SPOCK1: variants seen among roughly 807,000 people sequenced by gnomAD.
SPOCK1 encodes the protein testican-1.
In SPOCK1, 23 loss-of-function variants were observed where a neutral mutation model predicts 55.3. That is an observed-to-expected ratio of 0.42 (90% CI 0.30 to 0.59). The LOEUF is 0.59. Among genes scored for constraint, SPOCK1 ranks in the 20% least tolerant of loss-of-function variants. The pLI is 0.22. For synonymous variants in SPOCK1, 226 were observed against 221.0 expected (o/e 1.02, Z -0.20); for missense variants, 499 against 552.5 (o/e 0.90, Z 0.97).
rs897719469 is a variant in SPOCK1 at position 137,440,460 on chromosome 5, A to G, written c.186+57913T>C. On this transcript the variant is annotated intron_variant, in intron 2 of 10. Coordinates refer to ENST00000394945, the MANE Select transcript of SPOCK1 (RefSeq NM_004598.4). ...ATTAAAGAGCAAAGCCAAGAGCTACAGGAATGATTACACAACAAACTCTCA... is the reference window on the plus strand; with the variant it reads ...ATTAAAGAGCAAAGCCAAGAGCTACGGGAATGATTACACAACAAACTCTCA... Among the ~76,000 whole-genome samples, 3 of 152,236 alleles carry G rather than the reference A, an allele frequency of 2.0e-5. No individual in the cohort carries two copies. The South Asian group carries it at 6.2e-4, about 32-fold the overall frequency.
intron 2 of SPOCK1, among the ~76,000 whole-genome samples, chr5:137,309,662 G>A (rs747737437): frequency 2.0e-5 from 3 of 152,100 alleles, no homozygotes; most frequent in African/African-American, 4.8e-5. Context: ...ACTCAAAAAT[G>A]AGCCCAAATC....
At chr5:137,318,470 G>C (rs1757922303) in intron 2 of SPOCK1, among the ~76,000 whole-genome samples, 1 of 152,190 alleles carries the variant, frequency 6.6e-6, no homozygotes, top group Admixed American at 6.5e-5. Flanking sequence ...TGAGGGGTTT[G>C]TCTGTCTTCT....
chr5:137,180,024 A>G (rs1043280428), intron 3 of SPOCK1, among the ~76,000 whole-genome samples: 8 of 152,154 alleles, frequency 5.3e-5, no homozygotes, highest in Non-Finnish European at 1.0e-4. Context: ...TAGCATCTCA[A>G]CCTTATAGTG....
Position 137,024,006 on chromosome 5 carries a change from T to A in SPOCK1, c.590-31406A>T, listed in dbSNP as rs147163769. On this transcript the variant is annotated intron_variant, in intron 6 of 10. Transcript: ENST00000394945. ...TAACTTTAACACTTGCATCCTTTGC[T>A]ATTTCAGGAAGTCTGCAGAAGATCT... Among the ~76,000 whole-genome samples the A allele has an allele frequency of 2.9e-3, 444 of 151,330 alleles. 2 individuals carry two copies. Among genetic ancestry groups the A allele is most frequent in the African/African-American group, 0.01 (427 of 41,140 alleles).
chr5:137,285,883 T>A (rs1481686225), intron 2 of SPOCK1, among the ~76,000 whole-genome samples: 2 of 152,178 alleles, frequency 1.3e-5, no homozygotes, highest in African/African-American at 4.8e-5. Context: ...ACAATTGTTT[T>A]TTTTTTCTGT....
At chr5:137,319,951 C>CAAA (rs55836854) in intron 2 of SPOCK1, among the ~76,000 whole-genome samples, 113 of 85,416 alleles carry the variant, frequency 1.3e-3, no homozygotes, top group Non-Finnish European at 2.0e-3. Context: ...GACTCCGTCT[C>CAAA]AAAAAAAAAA....
chr5:137,307,278 C>T (rs1005991976), intron 2 of SPOCK1, among the ~76,000 whole-genome samples: 1 of 152,204 alleles, frequency 6.6e-6, no homozygotes, highest in Admixed American at 6.5e-5. Context: ...CACTTAACTG[C>T]CGTCTCCAAA....
chr5:137,430,050 C>T (rs1002856436), intron 2 of SPOCK1, among the ~76,000 whole-genome samples: 2 of 152,210 alleles, frequency 1.3e-5, no homozygotes, highest in African/African-American at 2.4e-5. Context: ...GAGAGCATTT[C>T]ATATTGAGCA....
intron 3 of SPOCK1, among the ~76,000 whole-genome samples, chr5:137,233,231 G>T (rs1756101866): frequency 6.6e-6 from 1 of 152,126 alleles, no homozygotes; most frequent in African/African-American, 2.4e-5. Context: ...ACATACATAT[G>T]AAATAATTAT....
chr5:137,422,248 T>G (rs1243131475), intron 2 of SPOCK1, among the ~76,000 whole-genome samples: 1 of 152,212 alleles, frequency 6.6e-6, no homozygotes, highest in Non-Finnish European at 1.5e-5. Flanking sequence ...TTGGTGAATC[T>G]GACAATTATG....
chr5:137,494,967 A>C (rs764121931), intron 2 of SPOCK1, among the ~76,000 whole-genome samples: 3 of 152,198 alleles, frequency 2.0e-5, no homozygotes, highest in Non-Finnish European at 2.9e-5. Flanking sequence ...AAAGATGGAA[A>C]ATTATTGAAC....
At chr5:137,327,181 C>A (rs997431962) in intron 2 of SPOCK1, among the ~76,000 whole-genome samples, 11 of 152,162 alleles carry the variant, frequency 7.2e-5, no homozygotes, top group Non-Finnish European at 1.2e-4. Context: ...CAAATGGGAA[C>A]AGCAGGAGTG....
chr5:136,998,084 C>T (rs1389289199), intron 6 of SPOCK1, among the ~76,000 whole-genome samples: 1 of 152,240 alleles, frequency 6.6e-6, no homozygotes. Flanking sequence ...ACATAGCTCA[C>T]AGCTACTGGC....
chr5:137,302,788 G>T (rs537732616), intron 2 of SPOCK1, among the ~76,000 whole-genome samples: 1 of 152,038 alleles, frequency 6.6e-6, no homozygotes. Context: ...CGGACTCAAC[G>T]TTAAGAAACT....
intron 2 of SPOCK1, among the ~76,000 whole-genome samples, chr5:137,455,112 G>C (rs900674325): frequency 6.6e-6 from 1 of 152,138 alleles, no homozygotes; most frequent in Non-Finnish European, 1.5e-5. Context: ...GTGGAGAAAT[G>C]GTGCCACATT....
chr5:137,066,987 C>CAGAGAGAGAGAGAGAGAG (rs753181225), intron 6 of SPOCK1, among the ~76,000 whole-genome samples: 1 of 139,582 alleles, frequency 7.2e-6, no homozygotes, highest in African/African-American at 2.6e-5. Context: ...CACACACACA[C>CAGAGAGAGAGAGAGAGAG]AGAGAGAGAG....
chr5:137,330,105 G>A (rs1339547327), intron 2 of SPOCK1, among the ~76,000 whole-genome samples: 2 of 152,046 alleles, frequency 1.3e-5, no homozygotes, highest in East Asian at 1.9e-4. Context: ...TCATCATGAC[G>A]AGCTGCCCAA....
At chr5:137,405,469 G>C (rs181277524) in intron 2 of SPOCK1, among the ~76,000 whole-genome samples, 3 of 152,112 alleles carry the variant, frequency 2.0e-5, no homozygotes, top group South Asian at 4.1e-4. Flanking sequence ...AGTCAGAAAC[G>C]AGGGTCCTCC....
At chr5:137,192,079 C>T (rs1378475022) in intron 3 of SPOCK1, among the ~76,000 whole-genome samples, 2 of 149,614 alleles carry the variant, frequency 1.3e-5, no homozygotes, top group Non-Finnish European at 3.0e-5. Flanking sequence ...TACTAAAATA[C>T]AAAAAAAAAT....
Sources: allele counts gnomAD v4.1 joint callset (sites outside exome capture counted in the v4.1 genomes callset), GRCh38; gene constraint gnomAD v4.1.1; transcripts MANE v1.5; gene names NCBI Gene and HGNC (gene_info 2026-07-23, HGNC 2026-07-21).